The following ADAMTS17 variants were observed in gnomAD, a reference collection of about 807,000 sequenced individuals.
The protein encoded by ADAMTS17 is ADAM metallopeptidase with thrombospondin type 1 motif 17, also known as A disintegrin and metalloproteinase with thrombospondin motifs 17.
ADAMTS17 carries 113 observed loss-of-function variants against 141.5 expected under a neutral mutation model. That is an observed-to-expected ratio of 0.80 (90% CI 0.69 to 0.93). ADAMTS17 has a LOEUF of 0.93. Among genes scored for constraint, ADAMTS17 ranks in the 40% least tolerant of loss-of-function variants. The probability of loss-of-function intolerance (pLI) is 0.00; values close to 1 mark genes in which losing one functional copy is unlikely to be tolerated. For synonymous variants in ADAMTS17, 768 were observed against 630.6 expected (o/e 1.22, Z -3.27); for missense variants, 1,659 against 1,517.9 (o/e 1.09, Z -1.54).
chr15:100,019,464 A>G (rs1239818201), intron 18 of ADAMTS17, among the ~76,000 whole-genome samples: 1 of 152,216 alleles, frequency 6.6e-6, no homozygotes, highest in Non-Finnish European at 1.5e-5. Context: ...TACCATGAAA[A>G]TTTTTATAAG....
intron 8 of ADAMTS17, among the ~76,000 whole-genome samples, chr15:100,159,991 T>C (rs919341150): frequency 2.0e-5 from 3 of 152,098 alleles, no homozygotes; most frequent in Admixed American, 6.5e-5. Flanking sequence ...TACACAGAGG[T>C]TGCACTTGCC....
chr15:100,315,556 C>A (rs1041554210), intron 3 of ADAMTS17, among the ~76,000 whole-genome samples: 1 of 152,190 alleles, frequency 6.6e-6, no homozygotes, highest in Non-Finnish European at 1.5e-5. Flanking sequence ...CAGAAGCCTG[C>A]CAGCTGTGAT....
chr15:100,324,126 G>A (rs368927345), intron 3 of ADAMTS17, among the ~76,000 whole-genome samples: 89 of 151,966 alleles, frequency 5.9e-4, no homozygotes, highest in East Asian at 1.7e-3. Flanking sequence ...CCAACATGGC[G>A]AAACCCCATC....
intron 7 of ADAMTS17, among the ~76,000 whole-genome samples, chr15:100,205,847 C>CA (rs1414502190): frequency 5.3e-5 from 8 of 152,230 alleles, no homozygotes; most frequent in Non-Finnish European, 8.8e-5. Context: ...TGTTCCAAGC[C>CA]AAGCCTCAGG....
Position 100,309,126 on chromosome 15 carries a change from C to T in ADAMTS17, c.616+21763G>A, listed in dbSNP as rs551233274. ...CCTGTGATCCCAGCACTTTGGGAGGCAGAGGTGGCAGGATTGAGCCCAGGA... is the reference window on the plus strand; with the variant it reads ...CCTGTGATCCCAGCACTTTGGGAGGTAGAGGTGGCAGGATTGAGCCCAGGA... On this transcript the variant is annotated intron_variant, in intron 3 of 21. Coordinates refer to ENST00000268070, the MANE Select transcript of ADAMTS17 (RefSeq NM_139057.4). 6.6e-5 allele frequency among the ~76,000 whole-genome samples: 10 copies of T among 152,342 alleles called. No homozygotes were observed. The East Asian group carries it at 1.9e-3, about 29-fold the overall frequency.
At chr15:100,320,239 T>G (rs1220061107) in intron 3 of ADAMTS17, among the ~76,000 whole-genome samples, 2 of 151,830 alleles carry the variant, frequency 1.3e-5, no homozygotes, top group African/African-American at 4.8e-5. Context: ...GATCCACATA[T>G]ATCAACTAGG....
intron 14 of ADAMTS17, among the ~76,000 whole-genome samples, chr15:100,100,955 A>G (rs2036061349): frequency 3.4e-5 from 5 of 147,616 alleles, no homozygotes; most frequent in Non-Finnish European, 1.5e-5. Flanking sequence ...ATGACCCCTC[A>G]GCCAGGTGGG....
chr15:100,226,823 C>T (rs543632626), intron 7 of ADAMTS17, among the ~76,000 whole-genome samples: 11 of 152,270 alleles, frequency 7.2e-5, no homozygotes, highest in African/African-American at 2.6e-4. Context: ...TGATCTAATA[C>T]AGTATCTGGT....
Position 100,070,594 on chromosome 15 carries a change from A to C in ADAMTS17, c.2138-16540T>G, listed in dbSNP as rs1310621645. On this transcript the variant is annotated intron_variant, in intron 15 of 21. Transcript: ENST00000268070. ...GAACTCAGGATTAAGAAACTCACTC[A>C]AAACTGCTCAACTACATGGAAACTG... Among the ~76,000 whole-genome samples the C allele has an allele frequency of 6.0e-5, 9 of 150,270 alleles. 1 individual carries two copies. The East Asian group carries it at 1.6e-3, about 26-fold the overall frequency.
At chr15:100,314,595 A>G (rs1165973271) in intron 3 of ADAMTS17, among the ~76,000 whole-genome samples, 2 of 152,252 alleles carry the variant, frequency 1.3e-5, no homozygotes, top group African/African-American at 4.8e-5. Flanking sequence ...GTATACCAAA[A>G]TAAGAAGCAA....
At chr15:100,204,865 T>C (rs548823859) in intron 7 of ADAMTS17, among the ~76,000 whole-genome samples, 1 of 152,350 alleles carries the variant, frequency 6.6e-6, no homozygotes, top group African/African-American at 2.4e-5. Flanking sequence ...GCCCAAGCAA[T>C]GAATGTGCTG....
chr15:100,131,762 G>C (rs115263693), intron 12 of ADAMTS17, among the ~76,000 whole-genome samples: 1 of 152,140 alleles, frequency 6.6e-6, no homozygotes, highest in Admixed American at 6.5e-5. Context: ...GAGGCCCAGG[G>C]AAGGAATGAG....
Position 99,997,409 on chromosome 15 carries a change from G to T in ADAMTS17, c.2772C>A (p.Ile924=). 1 of 1,613,792 alleles carries T rather than the reference G, an allele frequency of 6.2e-7. No individual in the cohort carries two copies. The highest frequency in any genetic ancestry group is 8.5e-7 in the Non-Finnish European group (1 of 1,179,988). Residue 924 remains isoleucine, a synonymous_variant, in exon 19 of 22, where the codon ATC becomes ATA. Transcript: ENST00000268070. This position sits in a 1 kb window ranked among gnomAD's most constrained non-coding sequence, Gnocchi z 4.7. The part of the protein sequence containing the change: ...QSCEGQDCLS[I]WEASEWSQCS... The stretch of plus-strand genomic sequence containing the variant: ...CCTGTGACCACTCAGACGCCTCCCA[G>T]ATGGACAGGCAGTCCTGGCCTTCAC...
intron 8 of ADAMTS17, among the ~76,000 whole-genome samples, chr15:100,181,995 A>G (rs575881957): frequency 1.3e-5 from 2 of 152,290 alleles, no homozygotes; most frequent in East Asian, 3.9e-4. Flanking sequence ...TCAAGTTCCA[A>G]CCACTGGGAT....
intron 4 of ADAMTS17, among the ~76,000 whole-genome samples, chr15:100,278,639 T>C (rs1394882636): frequency 3.9e-5 from 6 of 151,906 alleles, no homozygotes; most frequent in Non-Finnish European, 7.4e-5. Flanking sequence ...ATGGCGGAGA[T>C]AGAGGGAGTT....
Position 100,307,548 on chromosome 15 carries a change from T to C in ADAMTS17, c.616+23341A>G, listed in dbSNP as rs532394031. On this transcript the variant is annotated intron_variant, in intron 3 of 21. Transcript: ENST00000268070. ...TTCACACGAGTCAATAAATTCCCTT[T>C]TATTTATTTTTCTGGCTTAGCTTGA... Among the ~76,000 whole-genome samples the C allele has an allele frequency of 2.0e-5, 3 of 152,326 alleles. No homozygotes were observed. In the East Asian group the frequency reaches 5.8e-4, roughly 29 times the overall value.
intron 3 of ADAMTS17, among the ~76,000 whole-genome samples, chr15:100,321,419 A>G (rs1263099658): frequency 6.6e-6 from 1 of 152,236 alleles, no homozygotes; most frequent in African/African-American, 2.4e-5. Flanking sequence ...CAAATTTGAC[A>G]TTTTTTAAAA....
intron 7 of ADAMTS17, among the ~76,000 whole-genome samples, chr15:100,228,235 C>T (rs748553668): frequency 3.9e-5 from 6 of 152,298 alleles, no homozygotes; most frequent in East Asian, 1.9e-4. Context: ...TTACCATCTC[C>T]GAAAGGCCTC....
At chr15:100,157,506 A>G (rs1004776162) in intron 8 of ADAMTS17, among the ~76,000 whole-genome samples, 4 of 152,134 alleles carry the variant, frequency 2.6e-5, no homozygotes, top group African/African-American at 9.7e-5. Context: ...CTAGGTATAG[A>G]TGGCCATATT....
Sources: gnomAD v4.1 joint callset for allele counts (sites outside exome capture counted in the v4.1 genomes callset) on GRCh38, gnomAD v4.1.1 for gene constraint, Gnocchi (gnomAD v3.1) non-coding constraint, MANE v1.5 for transcripts, NCBI Gene and HGNC (gene_info 2026-07-23, HGNC 2026-07-21) for gene names.